Variants in PLXND1 observed in about 807,000 individuals in gnomAD.
The protein encoded by PLXND1 is plexin-D1.
In PLXND1, 54 loss-of-function variants were observed where a neutral mutation model predicts 197.7. That is an observed-to-expected ratio of 0.27 (90% CI 0.22 to 0.34). The LOEUF (loss-of-function observed/expected upper bound fraction) is 0.34. Ranked by LOEUF, PLXND1 falls within the 10% of genes least tolerant of loss-of-function variation. The pLI, the probability that PLXND1 is intolerant of heterozygous loss-of-function variation, is 1.00. For synonymous variants in PLXND1, 1,180 were observed against 1,161.2 expected (o/e 1.02, Z -0.33); for missense variants, 2,127 against 2,699.2 (o/e 0.79, Z 4.70).
chr3:129,575,944 C>T, intron 9 of PLXND1, 89 bp from the exon 10 acceptor site: 1 of 780,016 alleles, frequency 1.3e-6, no homozygotes, highest in Non-Finnish European at 2.3e-6. Flanking sequence ...CCACGGGCTC[C>T]TGCTGGGAAA....
Position 129,578,286 on chromosome 3 carries a change from C to G in PLXND1, c.2346+43G>C, listed in dbSNP as rs747444850. On this transcript the variant is annotated intron_variant, in intron 9 of 35. Transcript: ENST00000324093. The stretch of plus-strand genomic sequence containing the variant: ...AGTTAGTGGCCTGCGTGCTCCCCGG[C>G]CTCCTCCTGGCCCCACCCGGCGCTG... The G allele has an allele frequency of 2.3e-6, 3 of 1,277,362 alleles. No homozygotes were observed. In the Admixed American group the frequency reaches 5.8e-5, roughly 25 times the overall value. The allele number at this position is 1,277,362 out of a possible 1,614,324, so 79.1% of individuals were successfully genotyped here.
chr3:129,602,317 T>C (rs1405374112), intron 1 of PLXND1, among the ~76,000 whole-genome samples: 1 of 152,114 alleles, frequency 6.6e-6, no homozygotes, highest in Non-Finnish European at 1.5e-5. Context: ...TGCTTCCCAC[T>C]CTACTCGCCT....
intron 3 of PLXND1, 92 bp from the exon 4 acceptor site, chr3:129,586,364 C>T: frequency 7.2e-6 from 8 of 1,103,530 alleles, no homozygotes; most frequent in Non-Finnish European, 1.0e-5. Flanking sequence ...CCATGAGAGG[C>T]TGGGGAAACT....
At chr3:129,565,209 TC>T (rs2085120158) in intron 25 of PLXND1, 130 bp downstream of exon 25, 1 of 737,996 alleles carries the variant, frequency 1.4e-6, no homozygotes, top group Non-Finnish European at 2.3e-6. Flanking sequence ...CTGGCCTGTC[TC>T]ATGCAACACT....
In PLXND1 at chr3:129,571,811, A is replaced by G; in HGVS notation, c.3111T>C (p.Pro1037=). ...GCACCGGAGCCGGCAGGGCCCCCTC[A>G]GGCATGGTGCAGGCGATGCTGGTAT... ...RTDTSIACTM[P]EGALPAPVPV... Residue 1037 remains proline, a synonymous_variant, in exon 16 of 36, where the codon CCT becomes CCC. Transcript: ENST00000324093. 1 of 1,613,018 alleles carries G rather than the reference A, an allele frequency of 6.2e-7. No homozygotes were observed. Among genetic ancestry groups the G allele is most frequent in the Admixed American group, 1.7e-5 (1 of 59,986 alleles).
intron 1 of PLXND1, among the ~76,000 whole-genome samples, chr3:129,589,746 A>G (rs1218571333): frequency 1.3e-5 from 2 of 152,100 alleles, no homozygotes; most frequent in African/African-American, 4.8e-5. Context: ...TGTTCCAAGG[A>G]GATGATGTTC....
chr3:129,606,379 C>A lies in PLXND1; in HGVS notation c.261G>T (p.Leu87=). The A allele has an allele frequency of 1.3e-6, 2 of 1,505,892 alleles. No homozygotes were observed. Among genetic ancestry groups the A allele is most frequent in the South Asian group, 1.3e-5 (1 of 78,600 alleles). 93.3% of individuals were successfully genotyped at this position (1,505,892 alleles called of 1,614,324 possible). Residue 87 remains leucine, a synonymous_variant, in exon 1 of 36, where the codon CTG becomes CTT. Transcript: ENST00000324093. ...CCACGGCCGCCTCGGCCTCCAGGCTCAGGTTGGCGCCCGACAGCTGATAGA... is the reference window on the plus strand; with the variant it reads ...CCACGGCCGCCTCGGCCTCCAGGCTAAGGTTGGCGCCCGACAGCTGATAGA... ...NRLYQLSGAN[L]SLEAEAAVGP...
At chr3:129,601,807 C>T (rs2085712177) in intron 1 of PLXND1, among the ~76,000 whole-genome samples, 1 of 152,220 alleles carries the variant, frequency 6.6e-6, no homozygotes, top group South Asian at 2.1e-4. Context: ...CCAAATCTGT[C>T]CAGAGCCCAC....
intron 2 of PLXND1, among the ~76,000 whole-genome samples, chr3:129,587,160 C>T (rs2085473917): frequency 6.6e-6 from 1 of 152,194 alleles, no homozygotes; most frequent in African/African-American, 2.4e-5. Flanking sequence ...AAATAAGACA[C>T]AGGCCAGGCT....
intron 2 of PLXND1, 32 bp downstream of exon 2, chr3:129,589,319 C>CCCCCCCCCCCCCCA: frequency 3.6e-6 from 3 of 844,046 alleles, no homozygotes; most frequent in Admixed American, 2.4e-5. Context: ...CTCCCACCCC[C>CCCCCCCCCCCCCCA]ACCCCCTCCC....
intron 8 of PLXND1, 185 bp from the exon 9 acceptor site, chr3:129,578,618 G>C (rs2085346646): frequency 1.7e-6 from 1 of 582,830 alleles, no homozygotes; most frequent in African/African-American, 1.9e-5. Flanking sequence ...CCATCCTATG[G>C]GCAGGTCGCA....
At chr3:129,588,097 G>A (rs1215024550) in intron 2 of PLXND1, among the ~76,000 whole-genome samples, 1 of 152,264 alleles carries the variant, frequency 6.6e-6, no homozygotes, top group East Asian at 1.9e-4. Context: ...GAGCAGGGCA[G>A]GGTTGGCTGG....
chr3:129,573,919 G>A (rs1394034823), intron 12 of PLXND1, among the ~76,000 whole-genome samples, 174 bp from the exon 13 acceptor site: 1 of 152,218 alleles, frequency 6.6e-6, no homozygotes, highest in East Asian at 1.9e-4. Flanking sequence ...TCACTGTGCT[G>A]GCAAGGAGGA....
rs761398038 is a variant in PLXND1, at chr3:129,605,490, C to A, written c.1150G>T (p.Ala384Ser). 6.7e-6 allele frequency: 10 copies of A among 1,493,660 alleles called. No individual in the cohort carries two copies. In the African/African-American group the frequency reaches 1.3e-4, roughly 20 times the overall value. 92.5% of individuals were successfully genotyped at this position (1,493,660 alleles called of 1,614,324 possible). A position where few individuals can be genotyped will look rare whatever the true frequency, so the allele number is the denominator to read the frequency against. ...RPQGSPAARA[A>S]PAALCAFRFA... is the part of the protein sequence containing the mutation. ...CGGAAGGCGCAGAGTGCGGCCGGAG[C>A]AGCGCGGGCCGCGGGGGACCCCTGG... The change falls in exon 1 of 36, where the codon GCT (alanine) becomes TCT (serine). Residue 384 changes from alanine to serine, a missense_variant. By Grantham distance (99) the Ala-to-Ser change is moderately conservative. Transcript: ENST00000324093.
At chr3:129,593,207 G>A (rs1167286422) in intron 1 of PLXND1, among the ~76,000 whole-genome samples, 2 of 152,138 alleles carry the variant, frequency 1.3e-5, no homozygotes, top group South Asian at 2.1e-4. Flanking sequence ...GTCCAGCCTC[G>A]CATTCAAGGC....
chr3:129,578,548 T>A, intron 8 of PLXND1, 115 bp from the exon 9 acceptor site: 1 of 656,032 alleles, frequency 1.5e-6, no homozygotes, highest in Non-Finnish European at 2.7e-6. Context: ...GAGAAAACAC[T>A]AGTCATTCAG....
rs2085330962 is a variant in PLXND1 at position 129,577,610 on chromosome 3, G to C, written c.2346+719C>G. ...CCTCAGCTCCTCCATGGAAGTAACA[G>C]ATGGCGAGTTCCAGGGAGGTGGGGA... On this transcript the variant is annotated intron_variant, in intron 9 of 35. Coordinates refer to ENST00000324093, the MANE Select transcript of PLXND1 (RefSeq NM_015103.3). This position sits in a 1 kb window ranked among gnomAD's most constrained non-coding sequence, Gnocchi z 5.0. 6.6e-6 allele frequency among the ~76,000 whole-genome samples: 1 copy of C among 152,218 alleles called. No homozygotes were observed. The highest frequency in any genetic ancestry group is 1.5e-5 in the Non-Finnish European group (1 of 68,030).
At chr3:129,571,969 C>T in intron 15 of PLXND1, 125 bp from the exon 16 acceptor site, 5 of 826,746 alleles carry the variant, frequency 6.0e-6, no homozygotes, top group Non-Finnish European at 9.4e-6. Flanking sequence ...TTGACTGGTC[C>T]CAACTCATCT....
chr3:129,594,559 C>A (rs2085593160), intron 1 of PLXND1, among the ~76,000 whole-genome samples: 2 of 152,224 alleles, frequency 1.3e-5, no homozygotes, highest in Non-Finnish European at 2.9e-5. Flanking sequence ...CTGGACCCCC[C>A]AGCTCCTCCC....
Sources: allele counts gnomAD v4.1 joint callset (sites outside exome capture counted in the v4.1 genomes callset), GRCh38; gene constraint gnomAD v4.1.1; non-coding constraint Gnocchi (gnomAD v3.1); transcripts MANE v1.5; gene names NCBI Gene and HGNC (gene_info 2026-07-23, HGNC 2026-07-21).